The following MKNK2 variants were observed in gnomAD, a reference collection of about 807,000 sequenced individuals.
The protein encoded by MKNK2 is MAP kinase-interacting serine/threonine-protein kinase 2.
A neutral mutation model predicts 55.0 loss-of-function variants in MKNK2; 54 were observed. The ratio of observed to expected loss-of-function variants is 0.98; its 90% CI spans 0.79 to 1.23. The LOEUF (loss-of-function observed/expected upper bound fraction) is 1.23, where lower values mean the gene tolerates loss of function less well. Among genes scored for constraint, MKNK2 ranks in the 50% most tolerant of loss-of-function variants. MKNK2 has a pLI of 0.00. For synonymous variants in MKNK2, 323 were observed against 256.0 expected (o/e 1.26, Z -2.50); for missense variants, 685 against 632.1 (o/e 1.08, Z -0.90).
In MKNK2 at chr19:2,039,742, C is replaced by T; in HGVS notation, c.1269G>A (p.Gln423=). 6.2e-7 allele frequency: 1 copy of T among 1,610,346 alleles called. No homozygotes were observed. The highest frequency in any genetic ancestry group is 8.5e-7 in the Non-Finnish European group (1 of 1,179,798). Residue 423 remains glutamine, a synonymous_variant, in exon 14 of 14, where the codon CAG becomes CAA. Transcript: ENST00000250896. ...LAEEEAAGQG[Q]PVLVRATSRC... The stretch of plus-strand genomic sequence containing the variant: ...GTGAGGTAGCTCGGACCAGGACGGG[C>T]TGGCCCTGCCCCGCGGCCTCCTCCT...
At chr19:2,049,470 C>A (rs2017066824) in intron 2 of MKNK2, among the ~76,000 whole-genome samples, 1 of 152,238 alleles carries the variant, frequency 6.6e-6, no homozygotes, top group African/African-American at 2.4e-5. Flanking sequence ...AAGACGCCCA[C>A]CTTCCCAGCT....
At chr19:2,047,297 C>T (rs1197160519) in intron 2 of MKNK2, among the ~76,000 whole-genome samples, 1 of 152,170 alleles carries the variant, frequency 6.6e-6, no homozygotes, top group East Asian at 1.9e-4. Flanking sequence ...GCTCAGCACC[C>T]TGCAGTGCCC....
chr19:2,040,769 G>T, intron 12 of MKNK2: 2 of 511,430 alleles, frequency 3.9e-6, no homozygotes, highest in South Asian at 4.6e-5. Flanking sequence ...CTTCGCTCCA[G>T]CCTGCTGCAG....
At position 2,041,034 on chromosome 19, in the gene MKNK2, A is replaced by C. The variant is rs2016867905; in HGVS notation, c.1110+6T>G. On this transcript the variant is annotated splice_donor_region_variant and intron_variant, in intron 12 of 13. Coordinates refer to ENST00000250896, the MANE Select transcript of MKNK2 (RefSeq NM_199054.3). Reference sequence around the variant, plus strand: ...CCCTCCTGCCGCCCGTGCGGCTGGTACTCACCCCCTGAACCCAGGGGTGCT... The same window carrying C: ...CCCTCCTGCCGCCCGTGCGGCTGGTCCTCACCCCCTGAACCCAGGGGTGCT... 1.2e-6 allele frequency: 2 copies of C among 1,613,284 alleles called. No individual in the cohort carries two copies. The highest frequency in any genetic ancestry group is 2.7e-5 in the African/African-American group (2 of 74,892).
chr19:2,048,290 G>A (rs866982714), intron 2 of MKNK2, among the ~76,000 whole-genome samples: 5 of 152,168 alleles, frequency 3.3e-5, no homozygotes, highest in Non-Finnish European at 5.9e-5. Flanking sequence ...CAGGGTGCAA[G>A]GAACAGTGCA....
chr19:2,046,579 C>T, intron 3 of MKNK2, 25 bp downstream of exon 3: 1 of 1,554,652 alleles, frequency 6.4e-7, no homozygotes, highest in East Asian at 2.4e-5. Flanking sequence ...CTGCCCTGTG[C>T]CCTCCTCCCC....
rs760125018 is a variant in MKNK2 at position 2,043,633 on chromosome 19, C to T, written c.340-51G>A. 2.1e-5 allele frequency: 32 copies of T among 1,529,800 alleles called. 1 individual carries two copies. In the South Asian group the frequency reaches 2.4e-4, roughly 11 times the overall value. The allele number at this position is 1,529,800 out of a possible 1,614,324, so 94.8% of individuals were successfully genotyped here. A position where few individuals can be genotyped will look rare whatever the true frequency, so the allele number is the denominator to read the frequency against. ...CCTGGGTTGGTGGGACGCTCATAGT[C>T]GAGAAGGGGCCAGAAACTCCACTGC... is the stretch of plus-strand genomic sequence containing the variant. On this transcript the variant is annotated intron_variant, in intron 5 of 13. Transcript: ENST00000250896.
Position 2,041,906 on chromosome 19 carries a change from C to CG in MKNK2, c.878dup (p.Pro294AlafsTer27). 3 of 1,546,088 alleles carry CG rather than the reference C, an allele frequency of 1.9e-6. No individual in the cohort carries two copies. On this transcript the variant is annotated frameshift_variant, in exon 11 of 14. Coordinates refer to ENST00000250896, the MANE Select transcript of MKNK2 (RefSeq NM_199054.3). LOFTEE classifies it high-confidence loss of function. ...CGCTGCCACAGCGGCCCACGAAGGG[C>CG]GGGTAGCCGCTGAGTAGGATATACA... is the stretch of plus-strand genomic sequence containing the variant.
chr19:2,046,697 G>A lies in MKNK2; in HGVS notation c.52-6C>T. 1 of 1,510,548 alleles carries A rather than the reference G, an allele frequency of 6.6e-7. No homozygotes were observed. The highest frequency in any genetic ancestry group is 8.8e-7 in the Non-Finnish European group (1 of 1,130,500). 93.6% of individuals were successfully genotyped at this position (1,510,548 alleles called of 1,614,324 possible). ...AGCTCGAAGGGGTTCTGCCCCTGCAGGGGAGAGGAGAGGAGAGGCACTCAG... is the reference window on the plus strand; with the variant it reads ...AGCTCGAAGGGGTTCTGCCCCTGCAAGGGAGAGGAGAGGAGAGGCACTCAG... On this transcript the variant is annotated splice_region_variant and splice_polypyrimidine_tract_variant and intron_variant, in intron 2 of 13. Transcript: ENST00000250896.
rs1177466936 is a variant in MKNK2, at chr19:2,042,776, C to T, written c.588G>A (p.Leu196=). The T allele has an allele frequency of 3.2e-6, 5 of 1,577,134 alleles. No individual in the cohort carries two copies. Among genetic ancestry groups the T allele is most frequent in the Middle Eastern group, 1.7e-4 (1 of 6,010 alleles). Residue 196 remains leucine (L), a synonymous_variant, in exon 8 of 14, where the codon CTG becomes CTA. Coordinates refer to ENST00000250896, the MANE Select transcript of MKNK2 (RefSeq NM_199054.3). ...VQDVASALDF[L]HNKGIAHRDL... ...GGGGTCACCACCTACCTTTGTTATG[C>T]AGAAAGTCCAAGGCGCTGGCCACGT...
Position 2,042,715 on chromosome 19 carries a change from G to A in MKNK2, c.598+51C>T, listed in dbSNP as rs1181133799. On this transcript the variant is annotated intron_variant, in intron 8 of 13. Coordinates refer to ENST00000250896, the MANE Select transcript of MKNK2 (RefSeq NM_199054.3). ...GGGGTGAGGGTCTGGAGGTCTTCCA[G>A]GAGTCCTTGGCAGGCGGCCCTAGGA... 8 of 1,548,370 alleles carry A rather than the reference G, an allele frequency of 5.2e-6. No individual in the cohort carries two copies. The African/African-American group carries it at 6.8e-5, about 13-fold the overall frequency.
chr19:2,041,760 T>A, intron 11 of MKNK2, 80 bp downstream of exon 11: 1 of 1,221,884 alleles, frequency 8.2e-7, no homozygotes, highest in South Asian at 1.6e-5. Flanking sequence ...GCAGGGCAGG[T>A]CCCCTGGGGT....
In MKNK2 at chr19:2,043,500, T is replaced by A; in HGVS notation, c.419+3A>T. 1 of 1,613,796 alleles carries A rather than the reference T, an allele frequency of 6.2e-7. No homozygotes were observed. The highest frequency in any genetic ancestry group is 8.5e-7 in the Non-Finnish European group (1 of 1,179,740). On this transcript the variant is annotated splice_donor_region_variant and intron_variant, in intron 6 of 13. Transcript: ENST00000250896. ...AGTGCGGTGGCAAGGGTGGCTCACCTACCTGTGTCCCTGGCACTGGTACAG... is the reference window on the plus strand; with the variant it reads ...AGTGCGGTGGCAAGGGTGGCTCACCAACCTGTGTCCCTGGCACTGGTACAG...
At chr19:2,049,142 C>T (rs1200647101) in intron 2 of MKNK2, among the ~76,000 whole-genome samples, 1 of 152,208 alleles carries the variant, frequency 6.6e-6, no homozygotes, top group African/African-American at 2.4e-5. Flanking sequence ...GCAGCCACCA[C>T]AGCGGAGGGG....
intron 2 of MKNK2, among the ~76,000 whole-genome samples, chr19:2,049,078 G>A (rs767763474): frequency 1.2e-3 from 188 of 152,310 alleles, no homozygotes; most frequent in Non-Finnish European, 2.1e-3. Context: ...TCTGGCCACC[G>A]TTCCCCTGTG....
In MKNK2 at chr19:2,047,153, AG is replaced by A. The variant is rs921967277; in HGVS notation, c.52-463del. On this transcript the variant is annotated intron_variant, in intron 2 of 13. Coordinates refer to ENST00000250896, the MANE Select transcript of MKNK2 (RefSeq NM_199054.3). ...AAGATCAGGGGACGCAGAGTCTCTT[AG>A]GGGGTCCATGGAATTTGCCAACCCA... 1.3e-3 allele frequency among the ~76,000 whole-genome samples: 195 copies of A among 152,110 alleles called. 1 individual carries two copies. The highest frequency in any genetic ancestry group is 4.4e-3 in the African/African-American group (181 of 41,524).
At chr19:2,047,268 G>A (rs1025549718) in intron 2 of MKNK2, among the ~76,000 whole-genome samples, 3 of 152,170 alleles carry the variant, frequency 2.0e-5, no homozygotes, top group African/African-American at 7.2e-5. Flanking sequence ...GGCACGGAGT[G>A]GGGTGGGGCA....
In MKNK2 at chr19:2,041,855, G is replaced by A. The variant is rs751969900; in HGVS notation, c.930C>T (p.Ala310=). Residue 310 remains alanine, a synonymous_variant, in exon 11 of 14, where the codon GCC becomes GCT. Coordinates refer to ENST00000250896, the MANE Select transcript of MKNK2 (RefSeq NM_199054.3). ...GSDCGWDRGE[A]CPACQNMLFE... is the part of the protein sequence containing the mutation. ...GCCGCCGCACCTGGCAGGCAGGGCAGGCCTCGCCGCGGTCCCAGCCGCAGT... is the reference window on the plus strand; with the variant it reads ...GCCGCCGCACCTGGCAGGCAGGGCAAGCCTCGCCGCGGTCCCAGCCGCAGT... 1.2e-5 allele frequency: 19 copies of A among 1,532,792 alleles called. No homozygotes were observed. In the African/African-American group the frequency reaches 1.8e-4, roughly 15 times the overall value. 94.9% of individuals were successfully genotyped at this position (1,532,792 alleles called of 1,614,324 possible).
In MKNK2 at chr19:2,042,449, G is replaced by A. The variant is rs1257399567; in HGVS notation, c.728C>T (p.Ser243Phe). The A allele has an allele frequency of 1.3e-6, 2 of 1,586,730 alleles. No individual in the cohort carries two copies. Among genetic ancestry groups the A allele is most frequent in the Non-Finnish European group, 1.7e-6 (2 of 1,168,200 alleles). Residue 243 changes from serine to phenylalanine, a missense_variant, in exon 10 of 14, where the codon TCC becomes TTC. By Grantham distance (155) the Ser-to-Phe change is radical. Coordinates refer to ENST00000250896, the MANE Select transcript of MKNK2 (RefSeq NM_199054.3). ...IKLNGDCSPI[S>F]TPELLTPCGS... ...CACCGGAGTGAGCAGCTCCGGGGTG[G>A]AGATAGGGGAGCAGTCCCCGTTGAG...
Sources: allele counts gnomAD v4.1 joint callset (sites outside exome capture counted in the v4.1 genomes callset), GRCh38; gene constraint gnomAD v4.1.1; transcripts MANE v1.5; gene names NCBI Gene and HGNC (gene_info 2026-07-23, HGNC 2026-07-21).